Variants in SDK2 observed in about 807,000 individuals in gnomAD.
SDK2 encodes the protein sidekick cell adhesion molecule 2.
A neutral mutation model predicts 253.9 loss-of-function variants in SDK2; 105 were observed. That is an observed-to-expected ratio of 0.41 (90% CI 0.35 to 0.49). The LOEUF is 0.49. SDK2 is among the 20% of genes least tolerant of loss of function. The pLI is 0.06. For missense variants in SDK2, 2,608 were observed against 3,003.0 expected, an observed-to-expected ratio of 0.87 and a Z score of 3.07; for synonymous variants, 1,249 against 1,234.9, an observed-to-expected ratio of 1.01 and a Z score of -0.24.
chr17:73,484,126 G>A (rs1186730621), intron 2 of SDK2, among the ~76,000 whole-genome samples: 1 of 152,068 alleles, frequency 6.6e-6, no homozygotes, highest in African/African-American at 2.4e-5. Context: ...GGAAAGCCTC[G>A]CCACCCAGCT....
chr17:73,374,086 CCTT>C (rs1246348114), intron 36 of SDK2, among the ~76,000 whole-genome samples: 3 of 145,224 alleles, frequency 2.1e-5, no homozygotes, highest in Non-Finnish European at 4.4e-5. Flanking sequence ...GGTTCTCCCT[CCTT>C]CTGGAAGCAT....
chr17:73,432,529 G>A (rs951367584), intron 10 of SDK2, among the ~76,000 whole-genome samples: 13 of 152,114 alleles, frequency 8.5e-5, no homozygotes, highest in Middle Eastern at 3.2e-3. Context: ...AGTGCCTACC[G>A]TGTGCCAGAC....
intron 40 of SDK2, among the ~76,000 whole-genome samples, chr17:73,355,541 T>C (rs2062585173): frequency 6.6e-6 from 1 of 151,950 alleles, no homozygotes; most frequent in Admixed American, 6.6e-5. Flanking sequence ...AGAGATGGGG[T>C]TTCACCATAT....
chr17:73,561,337 TG>T (rs1318770643), intron 1 of SDK2, among the ~76,000 whole-genome samples: 3 of 151,700 alleles, frequency 2.0e-5, no homozygotes, highest in Non-Finnish European at 4.4e-5. Flanking sequence ...TAGGGGGAAG[TG>T]GGAGGTAGAG....
At chr17:73,492,647 T>C (rs2063813996) in intron 2 of SDK2, among the ~76,000 whole-genome samples, 1 of 151,060 alleles carries the variant, frequency 6.6e-6, no homozygotes, top group Non-Finnish European at 1.5e-5. Flanking sequence ...CCAGGAGGAG[T>C]CTCTGCCATC....
intron 1 of SDK2, among the ~76,000 whole-genome samples, chr17:73,615,962 A>G (rs928278579): frequency 2.0e-5 from 3 of 152,186 alleles, no homozygotes; most frequent in Non-Finnish European, 2.9e-5. Context: ...ACATGCCTAC[A>G]CATGCACATG....
chr17:73,571,560 G>C (rs1465033418), intron 1 of SDK2, among the ~76,000 whole-genome samples: 1 of 152,226 alleles, frequency 6.6e-6, no homozygotes, highest in Non-Finnish European at 1.5e-5. Flanking sequence ...TAAGCAGCCT[G>C]TGCCTAATGA....
At chr17:73,562,384 C>A (rs1383719229) in intron 1 of SDK2, among the ~76,000 whole-genome samples, 1 of 152,076 alleles carries the variant, frequency 6.6e-6, no homozygotes, top group Admixed American at 6.5e-5. Context: ...TTGGGAGCAC[C>A]CCCCTAAGAT....
chr17:73,338,811 C>A lies in SDK2; in HGVS notation c.6295G>T (p.Ala2099Ser). 2 of 1,613,932 alleles carry A rather than the reference C, an allele frequency of 1.2e-6. No individual in the cohort carries two copies. The highest frequency in any genetic ancestry group is 1.1e-5 in the South Asian group (1 of 91,078). ...RQQKGISRAQ[A>S]YSYTESDSGE... ...GAGTCGCTCTCCGTGTAGCTGTAGGCCTGTGCCCTCGAGATGCCCTTCTGC... is the reference window on the plus strand; with the variant it reads ...GAGTCGCTCTCCGTGTAGCTGTAGGACTGTGCCCTCGAGATGCCCTTCTGC... The change falls in exon 45 of 45, where the codon GCC (alanine) becomes TCC (serine). Residue 2099 changes from alanine to serine, a missense_variant. Coordinates refer to ENST00000392650, the MANE Select transcript of SDK2 (RefSeq NM_001144952.2). The surrounding 1 kb of genome is among the most constrained non-coding windows in gnomAD (Gnocchi z 5.0).
intron 1 of SDK2, chr17:73,520,714 T>C (rs1162485836): frequency 2.0e-5 from 3 of 152,270 alleles, no homozygotes; most frequent in Non-Finnish European, 4.4e-5. Flanking sequence ...CCTCTGAGCA[T>C]CTAGAAACTT....
At chr17:73,561,494 C>T (rs879345273) in intron 1 of SDK2, among the ~76,000 whole-genome samples, 4 of 152,200 alleles carry the variant, frequency 2.6e-5, no homozygotes, top group Admixed American at 1.3e-4. Flanking sequence ...AGCAGTCAGC[C>T]GCCTTCTTCA....
chr17:73,554,602 G>C (rs1351651639), intron 1 of SDK2, among the ~76,000 whole-genome samples: 1 of 152,212 alleles, frequency 6.6e-6, no homozygotes, highest in Non-Finnish European at 1.5e-5. Flanking sequence ...CTGGTCTCTA[G>C]AATTGTGAGA....
At chr17:73,596,482 T>C (rs1005886777) in intron 1 of SDK2, among the ~76,000 whole-genome samples, 1 of 152,208 alleles carries the variant, frequency 6.6e-6, no homozygotes, top group African/African-American at 2.4e-5. Context: ...CAGTGCATTT[T>C]ACTTCTCAAT....
At chr17:73,374,925 C>T (rs1243060532) in intron 36 of SDK2, among the ~76,000 whole-genome samples, 1 of 152,172 alleles carries the variant, frequency 6.6e-6, no homozygotes, top group Admixed American at 6.5e-5. Context: ...TCAGACTCTG[C>T]TCAGCACAGC....
chr17:73,377,823 G>T (rs2062796426), intron 36 of SDK2, among the ~76,000 whole-genome samples: 1 of 151,916 alleles, frequency 6.6e-6, no homozygotes, highest in Non-Finnish European at 1.5e-5. Flanking sequence ...TGTTGGTCAG[G>T]CTGGTCTCGA....
At chr17:73,630,253 C>A (rs2046251694) in intron 1 of SDK2, among the ~76,000 whole-genome samples, 1 of 152,102 alleles carries the variant, frequency 6.6e-6, no homozygotes, top group Non-Finnish European at 1.5e-5. Flanking sequence ...ATGCAAATTC[C>A]CAGGCCCCTC....
chr17:73,611,191 T>C lies in SDK2; in HGVS notation c.64+32834A>G, dbSNP rs148448584. On this transcript the variant is annotated intron_variant, in intron 1 of 44. Coordinates refer to ENST00000392650, the MANE Select transcript of SDK2 (RefSeq NM_001144952.2). ...TTCTGGTTCTCTCCCAGGAGGGGGA[T>C]TTAGAATCTCACTTTCTCTCCTTTT... Among the ~76,000 whole-genome samples the C allele has an allele frequency of 2.4e-3, 364 of 152,242 alleles. 2 individuals carry two copies. The highest frequency in any genetic ancestry group is 8.6e-3 in the African/African-American group (357 of 41,538).
intron 1 of SDK2, among the ~76,000 whole-genome samples, chr17:73,535,402 A>T (rs1017984503): frequency 1.3e-5 from 2 of 152,194 alleles, no homozygotes; most frequent in Admixed American, 1.3e-4. Context: ...CATCTTAAGC[A>T]TGGTGCCTGG....
chr17:73,497,070 T>G (rs2063847266), intron 2 of SDK2, among the ~76,000 whole-genome samples: 1 of 152,170 alleles, frequency 6.6e-6, no homozygotes, highest in Non-Finnish European at 1.5e-5. Context: ...CTAACTTTTG[T>G]ATTTTTAGTA....
Sources: allele counts gnomAD v4.1 joint callset (sites outside exome capture counted in the v4.1 genomes callset), GRCh38; gene constraint gnomAD v4.1.1; non-coding constraint Gnocchi (gnomAD v3.1); transcripts MANE v1.5; gene names NCBI Gene and HGNC (gene_info 2026-07-23, HGNC 2026-07-21).